PCDH15: variants seen among roughly 807,000 people sequenced by gnomAD.
PCDH15 encodes the protein protocadherin-15.
Under a neutral mutation model 178.5 loss-of-function variants are expected in PCDH15, and 129 were observed. That is an observed-to-expected ratio of 0.72 (90% CI 0.63 to 0.84). The LOEUF (loss-of-function observed/expected upper bound fraction) is 0.84. Among genes scored for constraint, PCDH15 ranks in the 40% least tolerant of loss-of-function variants. The probability of loss-of-function intolerance (pLI) is 0.00; values close to 1 mark genes in which losing one functional copy is unlikely to be tolerated. For synonymous variants in PCDH15, 800 were observed against 732.0 expected (o/e 1.09, Z -1.50); for missense variants, 2,230 against 2,099.9 (o/e 1.06, Z -1.21).
rs1323061332 is a variant in PCDH15, at chr10:53,866,667, C to A, written c.3692G>T (p.Gly1231Val). 4 of 1,613,452 alleles carry A rather than the reference C, an allele frequency of 2.5e-6. No individual in the cohort carries two copies. In the South Asian group the frequency reaches 4.4e-5, roughly 18 times the overall value. ...QVIATDDYGK[G>V]LSGKADVLVS... Reference sequence around the variant, plus strand: ...GAGTACATCGGCTTTGCCGCTCAGTCCCTTCCCATAGTCGTCAGTTGCAAT... The same window carrying A: ...GAGTACATCGGCTTTGCCGCTCAGTACCTTCCCATAGTCGTCAGTTGCAAT... The change falls in exon 27 of 38, where the codon GGA (glycine) becomes GTA (valine). Residue 1231 changes from glycine to valine, a missense_variant. Gly to Val is a moderately radical substitution (Grantham distance 109). Coordinates refer to ENST00000644397, the MANE Select transcript of PCDH15 (RefSeq NM_001384140.1).
intron 2 of PCDH15, among the ~76,000 whole-genome samples, chr10:55,398,921 C>T (rs1051209936): frequency 6.6e-6 from 1 of 151,930 alleles, no homozygotes; most frequent in African/African-American, 2.4e-5. Context: ...AGAGAAAGAA[C>T]GCTCACATTC....
At position 55,180,328 on chromosome 10, in the gene PCDH15, C is replaced by A. The variant is rs183736492; in HGVS notation, c.-155-13677G>T. Among the ~76,000 whole-genome samples the A allele has an allele frequency of 2.7e-3, 414 of 152,210 alleles. 1 individual carries two copies. The highest frequency in any genetic ancestry group is 3.9e-3 in the Non-Finnish European group (266 of 68,000). On this transcript the variant is annotated intron_variant, in intron 1 of 5. Coordinates refer to the PCDH15 transcript ENST00000458638. ...GAACAGGTCACAAAATGACTTCTTA[C>A]AATACCTAAAGACCCTGGATTCTAT...
chr10:53,904,088 G>A (rs2082508642), intron 25 of PCDH15, among the ~76,000 whole-genome samples: 1 of 152,076 alleles, frequency 6.6e-6, no homozygotes, highest in African/African-American at 2.4e-5. Context: ...CACCTTTAAT[G>A]AGAAATGTGG....
At chr10:53,984,637 G>A (rs2090970692) in intron 21 of PCDH15, among the ~76,000 whole-genome samples, 1 of 152,140 alleles carries the variant, frequency 6.6e-6, no homozygotes, top group African/African-American at 2.4e-5. Flanking sequence ...CAAGGGCACA[G>A]ATTTGAGTTA....
At chr10:54,047,390 CTT>C (rs35511606) in intron 18 of PCDH15, among the ~76,000 whole-genome samples, 204 of 144,886 alleles carry the variant, frequency 1.4e-3, no homozygotes, top group Middle Eastern at 7.1e-3. Context: ...GTGATAATCA[CTT>C]TTTTTTTTTT....
chr10:55,346,765 C>A (rs1844766048), intron 2 of PCDH15, among the ~76,000 whole-genome samples: 1 of 149,588 alleles, frequency 6.7e-6, no homozygotes, highest in African/African-American at 2.5e-5. Flanking sequence ...AGTATTATTT[C>A]TTGCAGACAG....
chr10:54,293,132 G>A (rs2059529243), intron 8 of PCDH15, among the ~76,000 whole-genome samples: 2 of 152,084 alleles, frequency 1.3e-5, no homozygotes, highest in South Asian at 4.1e-4. Flanking sequence ...TAGACCAATG[G>A]AACAGGAAAC....
chr10:55,626,370 G>A (rs1158173014), intron 2 of PCDH15, among the ~76,000 whole-genome samples: 7 of 152,218 alleles, frequency 4.6e-5, no homozygotes, highest in African/African-American at 1.2e-4. Flanking sequence ...GTGTGAAAAA[G>A]TGGATAAAAC....
chr10:54,831,428 A>C (rs1953225986), intron 3 of PCDH15, among the ~76,000 whole-genome samples: 1 of 152,110 alleles, frequency 6.6e-6, no homozygotes, highest in African/African-American at 2.4e-5. Flanking sequence ...ATTTCTAAAC[A>C]GTCACATTAT....
At chr10:55,015,585 AAG>A (rs1336567178) in intron 2 of PCDH15, among the ~76,000 whole-genome samples, 31 of 152,302 alleles carry the variant, frequency 2.0e-4, no homozygotes, top group African/African-American at 7.2e-4. Flanking sequence ...GTTACTGACA[AAG>A]AGAGTGTCTG....
At chr10:54,519,074 C>T (rs548497905) in intron 3 of PCDH15, among the ~76,000 whole-genome samples, 21 of 152,114 alleles carry the variant, frequency 1.4e-4, no homozygotes, top group Middle Eastern at 3.4e-3. Flanking sequence ...AAATAATAAG[C>T]GCTATCTATG....
chr10:54,421,377 A>G (rs944815893), intron 3 of PCDH15, among the ~76,000 whole-genome samples: 1 of 151,508 alleles, frequency 6.6e-6, no homozygotes, highest in African/African-American at 2.4e-5. Flanking sequence ...TGGAGTTTGC[A>G]TCTAAATGTA....
intron 8 of PCDH15, 87 bp from the exon 9 acceptor site, chr10:54,237,018 A>G (rs1160398969): frequency 2.7e-6 from 3 of 1,113,752 alleles, no homozygotes; most frequent in Admixed American, 3.4e-5. Context: ...TTGGAAATCT[A>G]TATAACGTCT....
At chr10:54,729,686 G>A (rs893554486) in intron 1 of PCDH15, among the ~76,000 whole-genome samples, 94 of 151,246 alleles carry the variant, frequency 6.2e-4, no homozygotes, top group Admixed American at 1.9e-3. Flanking sequence ...GAACCTATAA[G>A]GAATTCAAAC....
intron 2 of PCDH15, among the ~76,000 whole-genome samples, chr10:55,554,066 T>C (rs1294477366): frequency 5.9e-5 from 9 of 151,986 alleles, no homozygotes; most frequent in Non-Finnish European, 1.3e-4. Context: ...TAACAAAAGA[T>C]ATGTAAAACT....
At chr10:54,649,571 A>G (rs1427013207) in intron 2 of PCDH15, among the ~76,000 whole-genome samples, 1 of 152,168 alleles carries the variant, frequency 6.6e-6, no homozygotes, top group Non-Finnish European at 1.5e-5. Flanking sequence ...AACAATATAT[A>G]TGTAATCTAT....
chr10:53,981,737 A>G (rs1188295682), intron 21 of PCDH15, among the ~76,000 whole-genome samples: 1 of 151,090 alleles, frequency 6.6e-6, no homozygotes, highest in Non-Finnish European at 1.5e-5. Context: ...CCTAGGCATT[A>G]CCATTCAGGA....
chr10:54,254,420 T>G (rs905717091), intron 8 of PCDH15, among the ~76,000 whole-genome samples: 1 of 152,188 alleles, frequency 6.6e-6, no homozygotes, highest in Non-Finnish European at 1.5e-5. Flanking sequence ...AAGGTTCATT[T>G]TTTTGATAGA....
chr10:55,428,038 G>A (rs193047826), intron 2 of PCDH15, among the ~76,000 whole-genome samples: 18 of 151,976 alleles, frequency 1.2e-4, no homozygotes, highest in African/African-American at 3.6e-4. Flanking sequence ...ATTATTTTAC[G>A]TTTTTTGATA....
Sources: gnomAD v4.1 joint callset for allele counts (sites outside exome capture counted in the v4.1 genomes callset) on GRCh38, gnomAD v4.1.1 for gene constraint, MANE v1.5 for transcripts, NCBI Gene and HGNC (gene_info 2026-07-23, HGNC 2026-07-21) for gene names.